The following RNF144A variants were observed in gnomAD, a reference collection of about 807,000 sequenced individuals.
RNF144A encodes the protein ring finger protein 144A, also known as E3 ubiquitin-protein ligase RNF144A.
In RNF144A, 11 loss-of-function variants were observed where a neutral mutation model predicts 38.7. That is an observed-to-expected ratio of 0.28 (90% CI 0.18 to 0.47). RNF144A has a LOEUF of 0.47. Ranked by LOEUF, RNF144A falls within the 20% of genes least tolerant of loss-of-function variation. The pLI is 0.99. For missense variants in RNF144A, 316 were observed against 377.2 expected, an observed-to-expected ratio of 0.84 and a Z score of 1.34; for synonymous variants, 149 against 143.9, an observed-to-expected ratio of 1.04 and a Z score of -0.25.
At position 7,023,984 on chromosome 2, in the gene RNF144A, A is replaced by C. The variant is rs555093137; in HGVS notation, c.510-385A>C. On this transcript the variant is annotated intron_variant, in intron 6 of 8. Transcript: ENST00000320892. Reference sequence around the variant, plus strand: ...CAGCAAAGTACATAAAATTTATATCAACCCTTTGGAAAGTAGACAGCTCTG... The same window carrying C: ...CAGCAAAGTACATAAAATTTATATCCACCCTTTGGAAAGTAGACAGCTCTG... 5.3e-5 allele frequency among the ~76,000 whole-genome samples: 8 copies of C among 152,344 alleles called. No homozygotes were observed. In the South Asian group the frequency reaches 1.0e-3, roughly 20 times the overall value.
chr2:7,012,587 T>TA (rs1405473864), intron 3 of RNF144A, among the ~76,000 whole-genome samples: 1 of 152,226 alleles, frequency 6.6e-6, no homozygotes, highest in Non-Finnish European at 1.5e-5. Flanking sequence ...TGCTCATTGT[T>TA]ACAATGGTTC....
downstream of RNF144A, among the ~76,000 whole-genome samples, chr2:7,071,794 A>T (rs1269806544): frequency 6.6e-6 from 1 of 152,204 alleles, no homozygotes; most frequent in Non-Finnish European, 1.5e-5. Flanking sequence ...GCTATTTTGT[A>T]GATGTGATTT....
chr2:7,024,773 AG>A (rs1452908865), intron 7 of RNF144A, among the ~76,000 whole-genome samples: 2 of 152,172 alleles, frequency 1.3e-5, no homozygotes, highest in African/African-American at 4.8e-5. Context: ...TGGGATTTAA[AG>A]GGGTTTTAGC....
chr2:6,940,541 C>T (rs1374540706), intron 1 of RNF144A, among the ~76,000 whole-genome samples: 1 of 151,848 alleles, frequency 6.6e-6, no homozygotes, highest in East Asian at 1.9e-4. Context: ...TTTTTATCCT[C>T]TTTTAATTTT....
downstream of RNF144A, among the ~76,000 whole-genome samples, chr2:7,069,490 C>T (rs926898222): frequency 6.6e-5 from 10 of 152,112 alleles, no homozygotes; most frequent in African/African-American, 2.4e-4. Context: ...TCTGTCTTTC[C>T]ATCCCCTGTC....
At chr2:6,937,939 C>T (rs538755234) in intron 1 of RNF144A, among the ~76,000 whole-genome samples, 1 of 152,302 alleles carries the variant, frequency 6.6e-6, no homozygotes, top group East Asian at 1.9e-4. Flanking sequence ...GCCTGTCCAC[C>T]AGGCTGTGTC....
intron 2 of RNF144A, among the ~76,000 whole-genome samples, chr2:6,946,911 A>G (rs1038169056): frequency 2.0e-5 from 3 of 152,190 alleles, no homozygotes; most frequent in Non-Finnish European, 2.9e-5. Context: ...GTGGTTCCCA[A>G]AGGTTTACTT....
chr2:7,003,340 G>A (rs554385703), intron 3 of RNF144A, among the ~76,000 whole-genome samples: 5 of 152,284 alleles, frequency 3.3e-5, no homozygotes, highest in African/African-American at 4.8e-5. Context: ...TCACTCACCC[G>A]GAGTAGCTCC....
At chr2:6,984,125 T>C (rs1361599627) in intron 2 of RNF144A, among the ~76,000 whole-genome samples, 1 of 152,118 alleles carries the variant, frequency 6.6e-6, no homozygotes, top group African/African-American at 2.4e-5. Context: ...TCTCCCTGCC[T>C]CATTTTTCCA....
chr2:6,925,142 G>A (rs1394377452), intron 1 of RNF144A, among the ~76,000 whole-genome samples: 1 of 152,240 alleles, frequency 6.6e-6, no homozygotes, highest in Non-Finnish European at 1.5e-5. Context: ...CCTTAGATCT[G>A]AACTCTCTTG....
chr2:7,015,833 T>G (rs1329368110), intron 5 of RNF144A, among the ~76,000 whole-genome samples: 2 of 151,886 alleles, frequency 1.3e-5, no homozygotes, highest in Non-Finnish European at 2.9e-5. Context: ...GATTCTCGGG[T>G]TCTTGACCTG....
chr2:7,020,340 T>G, intron 5 of RNF144A, 133 bp from the exon 6 acceptor site: 1 of 739,402 alleles, frequency 1.4e-6, no homozygotes, highest in Non-Finnish European at 2.3e-6. Flanking sequence ...GGTGCTTCGG[T>G]TGGGGCTGGT....
chr2:7,071,433 C>A (rs77822047), downstream of RNF144A, among the ~76,000 whole-genome samples: 4,390 of 152,268 alleles, frequency 0.029, 185 homozygotes, highest in African/African-American at 0.087. Context: ...GGTCTTAGGG[C>A]AAAAACATTG....
At chr2:6,990,518 A>G (rs1409020256) in intron 2 of RNF144A, among the ~76,000 whole-genome samples, 2 of 91,810 alleles carry the variant, frequency 2.2e-5, no homozygotes, top group Non-Finnish European at 4.8e-5. Flanking sequence ...ATGATATAAC[A>G]TATTATATAT....
rs1014581380 is a variant in RNF144A at position 6,962,776 on chromosome 2, C to A, written c.-12+21629C>A. On this transcript the variant is annotated intron_variant, in intron 2 of 8. Coordinates refer to ENST00000320892, the MANE Select transcript of RNF144A (RefSeq NM_014746.6). The surrounding 1 kb of genome is among the most constrained non-coding windows in gnomAD (Gnocchi z 4.1). Reference sequence around the variant, plus strand: ...TAAACTTCCAGAGGCAGGGCAATACCTTTTCCATTACTGAGCACAGGCATT... The same window carrying A: ...TAAACTTCCAGAGGCAGGGCAATACATTTTCCATTACTGAGCACAGGCATT... Among the ~76,000 whole-genome samples, 1 of 152,138 alleles carries A rather than the reference C, an allele frequency of 6.6e-6. No individual in the cohort carries two copies. The highest frequency in any genetic ancestry group is 6.5e-5 in the Admixed American group (1 of 15,280).
chr2:7,024,151 A>T (rs1187085012), intron 6 of RNF144A, among the ~76,000 whole-genome samples: 5 of 151,684 alleles, frequency 3.3e-5, no homozygotes, highest in Non-Finnish European at 7.4e-5. Context: ...TTTTTTAAAA[A>T]TTTTTCCTAA....
intron 2 of RNF144A, among the ~76,000 whole-genome samples, chr2:6,946,944 A>T (rs1480383369): frequency 2.6e-5 from 4 of 152,184 alleles, no homozygotes; most frequent in Non-Finnish European, 5.9e-5. Context: ...CTGCTGATTA[A>T]GTTGTCAGCT....
In RNF144A at chr2:7,042,397, A is replaced by T. The variant is rs991959568; in HGVS notation, c.*2637A>T. On this transcript the variant is annotated 3_prime_UTR_variant, in exon 9 of 9. Coordinates refer to ENST00000320892, the MANE Select transcript of RNF144A (RefSeq NM_014746.6). ...TTGTCTCCATTGAAAAATGGCATTC[A>T]CTCTTACAGATGGTGTTCACTGCAA... 3.7e-5 allele frequency: 36 copies of T among 985,156 alleles called. No homozygotes were observed. The African/African-American group carries it at 5.8e-4, about 16-fold the overall frequency. The allele number at this position is 985,156 out of a possible 1,614,324, so 61.0% of individuals were successfully genotyped here. A position where few individuals can be genotyped will look rare whatever the true frequency, so the allele number is the denominator to read the frequency against.
intron 5 of RNF144A, among the ~76,000 whole-genome samples, chr2:7,019,206 G>A (rs1031130856): frequency 1.3e-5 from 2 of 152,134 alleles, no homozygotes; most frequent in African/African-American, 4.8e-5. Context: ...GCTGAATCTG[G>A]CTTCCCCATG....
Sources: allele counts gnomAD v4.1 joint callset (sites outside exome capture counted in the v4.1 genomes callset), GRCh38; gene constraint gnomAD v4.1.1; non-coding constraint Gnocchi (gnomAD v3.1); transcripts MANE v1.5; gene names NCBI Gene and HGNC (gene_info 2026-07-23, HGNC 2026-07-21).